CHMP5: variants seen among roughly 807,000 people sequenced by gnomAD.
CHMP5 encodes SNF7 domain containing 2.
A neutral mutation model predicts 33.0 loss-of-function variants in CHMP5; 17 were observed. The ratio of observed to expected loss-of-function variants is 0.52; its 90% CI spans 0.35 to 0.77. The LOEUF is 0.77. Ranked by LOEUF, CHMP5 falls within the 30% of genes least tolerant of loss-of-function variation. CHMP5 has a pLI of 0.01. For missense variants in CHMP5, 216 were observed against 261.5 expected (o/e 0.83, Z 1.20); for synonymous variants, 76 against 90.2 (o/e 0.84, Z 0.89).
intron 5 of CHMP5, 56 bp downstream of exon 5, chr9:33,271,279 A>C: frequency 7.2e-7 from 1 of 1,379,836 alleles, no homozygotes; most frequent in Non-Finnish European, 1.0e-6. Flanking sequence ...GAGAATCCAA[A>C]CGAGTGTGCA....
At chr9:33,271,271 G>T (rs781275521) in intron 5 of CHMP5, 48 bp downstream of exon 5, 2 of 1,441,332 alleles carry the variant, frequency 1.4e-6, no homozygotes, top group East Asian at 2.3e-5. Context: ...GTTTCTGAGA[G>T]AATCCAAACG....
intron 6 of CHMP5, among the ~76,000 whole-genome samples, chr9:33,276,823 G>A (rs971461729): frequency 1.3e-5 from 2 of 152,160 alleles, no homozygotes; most frequent in Non-Finnish European, 2.9e-5. Flanking sequence ...TGTCCTCCAC[G>A]TGGCCTTTCC....
In CHMP5 at chr9:33,269,635, T is replaced by G. The variant is rs549554965; in HGVS notation, c.222-988T>G. ...AGTTTTACCCTTTGCTCTAAGAATT[T>G]CACTTCTGTATATTTATCATAGAAA... is the stretch of plus-strand genomic sequence containing the variant. On this transcript the variant is annotated intron_variant, in intron 3 of 7. Coordinates refer to ENST00000223500, the MANE Select transcript of CHMP5 (RefSeq NM_016410.6). Among the ~76,000 whole-genome samples the G allele has an allele frequency of 7.2e-5, 11 of 152,360 alleles. No homozygotes were observed. The South Asian group carries it at 8.3e-4, about 11-fold the overall frequency.
Position 33,281,766 on chromosome 9 carries a change from T to G in CHMP5, c.*907T>G, listed in dbSNP as rs1262035708. On this transcript the variant is annotated 3_prime_UTR_variant, in exon 8 of 8. Transcript: ENST00000223500. ...AATCATGCTTAACTCACAGAGCTTT[T>G]GTGAGGAATAATTGAGGTAATGGTC... The G allele has an allele frequency of 6.6e-6, 1 of 152,240 alleles. No individual in the cohort carries two copies. The highest frequency in any genetic ancestry group is 2.4e-5 in the African/African-American group (1 of 41,462). The allele number at this position is 152,240 out of a possible 1,614,324, so 9.4% of individuals were successfully genotyped here.
chr9:33,267,603 G>T (rs1467987279), intron 2 of CHMP5, among the ~76,000 whole-genome samples: 1 of 152,156 alleles, frequency 6.6e-6, no homozygotes, highest in African/African-American at 2.4e-5. Flanking sequence ...GAGATAATAT[G>T]CATTAGGAAA....
At chr9:33,278,718 CTT>C (rs1820885134) in intron 7 of CHMP5, among the ~76,000 whole-genome samples, 1 of 151,372 alleles carries the variant, frequency 6.6e-6, no homozygotes, top group Admixed American at 6.6e-5. Flanking sequence ...AAGCATAAAA[CTT>C]AATGTAGAAA....
chr9:33,267,392 C>T (rs1445533236), intron 2 of CHMP5, among the ~76,000 whole-genome samples: 4 of 152,072 alleles, frequency 2.6e-5, no homozygotes, highest in Non-Finnish European at 5.9e-5. Flanking sequence ...GAAGAAACAA[C>T]AGAAAGAGGA....
intron 7 of CHMP5, among the ~76,000 whole-genome samples, chr9:33,279,591 C>T (rs1381702190): frequency 2.0e-5 from 3 of 152,036 alleles, no homozygotes; most frequent in African/African-American, 4.8e-5. Flanking sequence ...CGGCCAGGCG[C>T]GGTGGCTCAA....
At chr9:33,275,063 T>C (rs1474353916) in intron 5 of CHMP5, among the ~76,000 whole-genome samples, 1 of 152,248 alleles carries the variant, frequency 6.6e-6, no homozygotes, top group Non-Finnish European at 1.5e-5. Flanking sequence ...CCCTTTGTTA[T>C]GCTATACCAC....
chr9:33,269,741 G>A (rs549229343), intron 3 of CHMP5, among the ~76,000 whole-genome samples: 1 of 152,242 alleles, frequency 6.6e-6, no homozygotes, highest in African/African-American at 2.4e-5. Flanking sequence ...TTGGGAGGCC[G>A]AGGTGGGCGG....
intron 4 of CHMP5, among the ~76,000 whole-genome samples, 153 bp downstream of exon 4, chr9:33,270,869 G>A (rs1164559062): frequency 2.0e-5 from 3 of 152,180 alleles, no homozygotes; most frequent in Non-Finnish European, 4.4e-5. Context: ...ATCACCTGAT[G>A]TCAGGAGTTT....
chr9:33,270,416 A>G (rs1055282268), intron 3 of CHMP5, among the ~76,000 whole-genome samples: 2 of 152,226 alleles, frequency 1.3e-5, no homozygotes, highest in African/African-American at 4.8e-5. Context: ...GTACATGCAA[A>G]GGAAAAAGAC....
At chr9:33,270,021 G>A (rs183739212) in intron 3 of CHMP5, among the ~76,000 whole-genome samples, 54 of 152,256 alleles carry the variant, frequency 3.5e-4, no homozygotes, top group African/African-American at 1.3e-3. Context: ...ATGCTATAAT[G>A]TTAAGTGGAA....
At chr9:33,265,173 G>A in intron 1 of CHMP5, 26 bp downstream of exon 1, 2 of 1,612,320 alleles carry the variant, frequency 1.2e-6, no homozygotes, top group Middle Eastern at 3.3e-4. Flanking sequence ...TGCATAAGTA[G>A]GCTCAGGACC....
At chr9:33,280,689 G>T (rs747493901) in intron 7 of CHMP5, 120 bp from the exon 8 acceptor site, 11 of 827,682 alleles carry the variant, frequency 1.3e-5, no homozygotes, top group Non-Finnish European at 2.1e-5. Context: ...TTATGACTGC[G>T]ATTTTGGTTT....
At chr9:33,280,346 A>G (rs534245590) in intron 7 of CHMP5, among the ~76,000 whole-genome samples, 1 of 152,296 alleles carries the variant, frequency 6.6e-6, no homozygotes, top group Admixed American at 6.5e-5. Context: ...TGGTGTTTTC[A>G]TTGATAGTGA....
intron 5 of CHMP5, 116 bp downstream of exon 5, chr9:33,271,339 A>G: frequency 1.2e-6 from 1 of 804,514 alleles, no homozygotes; most frequent in Non-Finnish European, 2.1e-6. Flanking sequence ...GCTGCCATTT[A>G]CTAGTAGAGT....
intron 5 of CHMP5, among the ~76,000 whole-genome samples, chr9:33,274,153 G>A (rs11793672): frequency 0.057 from 8,701 of 151,614 alleles, 279 homozygotes; most frequent in East Asian, 0.095. Flanking sequence ...TCAGCTCACC[G>A]CAACCTCTGC....
intron 5 of CHMP5, among the ~76,000 whole-genome samples, chr9:33,274,245 G>T (rs976281635): frequency 1.3e-5 from 2 of 151,980 alleles, no homozygotes; most frequent in African/African-American, 4.8e-5. Flanking sequence ...GCTAATTTTT[G>T]TATTTTTTTG....
Sources: gnomAD v4.1 joint callset for allele counts (sites outside exome capture counted in the v4.1 genomes callset) on GRCh38, gnomAD v4.1.1 for gene constraint, MANE v1.5 for transcripts, NCBI Gene and HGNC (gene_info 2026-07-23, HGNC 2026-07-21) for gene names.